The following TOP1MT variants were observed in gnomAD, a reference collection of about 807,000 sequenced individuals.
The protein encoded by TOP1MT is DNA topoisomerase I mitochondrial, also known as DNA topoisomerase I, mitochondrial.
TOP1MT carries 80 observed loss-of-function variants against 73.9 expected under a neutral mutation model. The observed-to-expected ratio is 1.08, with a 90% confidence interval of 0.90 to 1.30. The LOEUF is 1.30. Ranked by LOEUF, TOP1MT falls within the 50% of genes most tolerant of loss-of-function variation. The pLI is 0.00. For synonymous variants in TOP1MT, 338 were observed against 326.4 expected (o/e 1.04, Z -0.38); for missense variants, 815 against 808.0 (o/e 1.01, Z -0.10).
rs776658414 is a variant in TOP1MT, at chr8:143,321,174, G to A, written c.1146+27C>T. The A allele has an allele frequency of 6.5e-5, 100 of 1,548,832 alleles. No homozygotes were observed. In the East Asian group the frequency reaches 1.6e-3, roughly 25 times the overall value. ...CCAGAGCAAATACGTGTCACATAGCGGGGGCAGCTGGCGCGAGGGCACTCA... is the reference window on the plus strand; with the variant it reads ...CCAGAGCAAATACGTGTCACATAGCAGGGGCAGCTGGCGCGAGGGCACTCA... On this transcript the variant is annotated intron_variant, in intron 8 of 13. Coordinates refer to ENST00000329245, the MANE Select transcript of TOP1MT (RefSeq NM_052963.3).
chr8:143,316,262 G>T, intron 10 of TOP1MT, 136 bp from the exon 11 acceptor site: 1 of 1,388,098 alleles, frequency 7.2e-7, no homozygotes, highest in East Asian at 2.3e-5. Flanking sequence ...GGGAGAGTGA[G>T]GGCCAAGGGT....
At chr8:143,317,292 G>A (rs150322198) in intron 10 of TOP1MT, among the ~76,000 whole-genome samples, 1 of 152,324 alleles carries the variant, frequency 6.6e-6, no homozygotes, top group African/African-American at 2.4e-5. Flanking sequence ...AGGGGACAAA[G>A]AGCAGAGGGC....
chr8:143,317,418 A>C (rs1051286150), intron 10 of TOP1MT, among the ~76,000 whole-genome samples: 1 of 152,342 alleles, frequency 6.6e-6, no homozygotes, highest in Middle Eastern at 3.4e-3. Context: ...CCTTCAAGAA[A>C]GAACCCTGAG....
In TOP1MT at chr8:143,322,703, GC is replaced by G. The variant is rs1403618308; in HGVS notation, c.960+1295del. Among the ~76,000 whole-genome samples, 5 of 23,032 alleles carry G rather than the reference GC, an allele frequency of 2.2e-4. 1 individual carries two copies. Among genetic ancestry groups the G allele is most frequent in the African/African-American group, 7.4e-4 (2 of 2,712 alleles). The allele number at this position is 23,032 out of a possible 152,430, so 15.1% of individuals were successfully genotyped here. A position where few individuals can be genotyped will look rare whatever the true frequency, so the allele number is the denominator to read the frequency against. On this transcript the variant is annotated intron_variant, in intron 7 of 13. Coordinates refer to ENST00000329245, the MANE Select transcript of TOP1MT (RefSeq NM_052963.3). ...CGCCACACACGCACGCCACACGCAC[GC>G]CACACGCACGCCACACACAGGCACG... is the stretch of plus-strand genomic sequence containing the variant.
At chr8:143,348,431 C>G (rs975813680), upstream of TOP1MT, among the ~76,000 whole-genome samples, 1 of 152,202 alleles carries the variant, frequency 6.6e-6, no homozygotes, top group African/African-American at 2.4e-5. This position sits in a 1 kb window ranked among gnomAD's most constrained non-coding sequence, Gnocchi z 4.6. Flanking sequence ...TGTGGCCCTT[C>G]TGTCCCACAC....
rs984229492 is a variant in TOP1MT, at chr8:143,329,359, G to C, written c.351C>G (p.Asp117Glu). 29 of 1,607,358 alleles carry C rather than the reference G, an allele frequency of 1.8e-5. No individual in the cohort carries two copies. The highest frequency in any genetic ancestry group is 2.4e-5 in the Non-Finnish European group (28 of 1,178,180). Reference protein sequence around the residue: ...KEVFRKNFFNDWRKEMAVEER... With the variant: ...KEVFRKNFFNEWRKEMAVEER... Reference sequence around the variant, plus strand: ...CGCCCAGGGTACCTACCTTTCGCCAGTCATTGAAGAAGTTCTTCCGGAAAA... The same window carrying C: ...CGCCCAGGGTACCTACCTTTCGCCACTCATTGAAGAAGTTCTTCCGGAAAA... The change falls in exon 3 of 14, where the codon GAC becomes GAG. Residue 117 changes from aspartate (D) to glutamate (E), a missense_variant. Physicochemically the swap from Asp to Glu is conservative, Grantham distance 45 (BLOSUM62 2). This residue lies in a region of TOP1MT where 751 missense variants were observed against 725.4 expected (regional missense o/e 1.04). Coordinates refer to ENST00000329245, the MANE Select transcript of TOP1MT (RefSeq NM_052963.3).
intron 2 of TOP1MT, among the ~76,000 whole-genome samples, chr8:143,342,326 C>CACTCTGTCACCCAGGCTGGAGT (rs1285098293): frequency 1.5e-5 from 2 of 129,692 alleles, no homozygotes; most frequent in Non-Finnish European, 3.0e-5. Flanking sequence ...GACAGAGTCT[C>CACTCTGTCACCCAGGCTGGAGT]GCTGTTATTA....
chr8:143,335,202 G>T (rs1014988275), upstream of TOP1MT, among the ~76,000 whole-genome samples: 2 of 152,226 alleles, frequency 1.3e-5, no homozygotes, highest in African/African-American at 2.4e-5. Context: ...CCCAGGGCTT[G>T]CACACAGCTC....
intron 8 of TOP1MT, among the ~76,000 whole-genome samples, chr8:143,318,461 T>C (rs566428865): frequency 2.0e-5 from 3 of 152,314 alleles, no homozygotes; most frequent in East Asian, 3.9e-4. Context: ...CCTCAGGGCC[T>C]TCGGGGTTCC....
intron 2 of TOP1MT, chr8:143,343,117 T>C (rs1586781718): frequency 2.2e-6 from 1 of 449,762 alleles, no homozygotes; most frequent in East Asian, 7.0e-5. Context: ...AGTTCATTTG[T>C]GTTGTCATAT....
chr8:143,323,721 G>T (rs967581287), intron 7 of TOP1MT, among the ~76,000 whole-genome samples: 1 of 77,702 alleles, frequency 1.3e-5, no homozygotes. Context: ...ACACATGCAC[G>T]CCACACACAC....
upstream of TOP1MT, among the ~76,000 whole-genome samples, chr8:143,346,954 T>C (rs1817231678): frequency 2.4e-5 from 1 of 41,768 alleles, no homozygotes; most frequent in Non-Finnish European, 5.5e-5. Context: ...GCCTCACTTC[T>C]TTATTTATTT....
At chr8:143,342,717 T>C (rs1363791071) in intron 2 of TOP1MT, among the ~76,000 whole-genome samples, 1,722 of 95,086 alleles carry the variant, frequency 0.018, 61 homozygotes, top group Non-Finnish European at 0.024. Context: ...CTCGCTGTTA[T>C]TATTATTATT....
intron 8 of TOP1MT, among the ~76,000 whole-genome samples, chr8:143,318,480 A>G (rs1479004064): frequency 6.6e-6 from 1 of 151,966 alleles, no homozygotes; most frequent in Non-Finnish European, 1.5e-5. Context: ...CCTGTGTCCA[A>G]CCTCCCTCCA....
At chr8:143,328,130 T>C (rs1462528463) in intron 3 of TOP1MT, 6 of 425,998 alleles carry the variant, frequency 1.4e-5, no homozygotes, top group East Asian at 1.4e-4. Context: ...ACAAACACCA[T>C]GAAAGATTTT....
chr8:143,324,229 C>T lies in TOP1MT; in HGVS notation c.817-87G>A, dbSNP rs1816641447. Reference sequence around the variant, plus strand: ...TGTCAACTCTCCCTCCCCCAAACCTCGTGCTTCTCCACTCAGTGGTGCCGT... The same window carrying T: ...TGTCAACTCTCCCTCCCCCAAACCTTGTGCTTCTCCACTCAGTGGTGCCGT... On this transcript the variant is annotated intron_variant, in intron 6 of 13. Transcript: ENST00000329245. 7.1e-6 allele frequency: 11 copies of T among 1,552,738 alleles called. No homozygotes were observed. In the South Asian group the frequency reaches 1.2e-4, roughly 16 times the overall value.
intron 1 of TOP1MT, among the ~76,000 whole-genome samples, chr8:143,355,696 G>A (rs1034473093): frequency 3.3e-5 from 5 of 152,140 alleles, no homozygotes; most frequent in Admixed American, 1.3e-4. Context: ...TTACATCTGG[G>A]CCCCCGACAC....
chr8:143,345,721 T>C (rs2130435055), upstream of TOP1MT, among the ~76,000 whole-genome samples: 1 of 152,362 alleles, frequency 6.6e-6, no homozygotes, highest in African/African-American at 2.4e-5. Context: ...ATAAAGTAAT[T>C]CACACTTAAA....
chr8:143,321,879 C>CAT (rs1816412160), intron 7 of TOP1MT, among the ~76,000 whole-genome samples: 1 of 70,506 alleles, frequency 1.4e-5, no homozygotes, highest in African/African-American at 4.5e-5. Flanking sequence ...GCACACCACA[C>CAT]GCACGCCACA....
Sources: gnomAD v4.1 joint callset for allele counts (sites outside exome capture counted in the v4.1 genomes callset) on GRCh38, gnomAD v4.1.1 for gene constraint, gnomAD v4.1.1 regional missense constraint, Gnocchi (gnomAD v3.1) non-coding constraint, MANE v1.5 for transcripts, NCBI Gene and HGNC (gene_info 2026-07-23, HGNC 2026-07-21) for gene names.